Variants in ZNF577 observed in about 807,000 individuals in gnomAD.
ZNF577 encodes the protein zinc finger protein 577.
A neutral mutation model predicts 13.9 loss-of-function variants in ZNF577; 14 were observed. The observed-to-expected ratio is 1.00, with a 90% CI of 0.66 to 1.57. ZNF577 has a LOEUF of 1.57. Ranked by LOEUF, ZNF577 falls within the 40% of genes most tolerant of loss-of-function variation. The pLI is 0.00. For synonymous variants in ZNF577, 203 were observed against 202.9 expected (o/e 1.00, Z 0.00); for missense variants, 555 against 579.2 (o/e 0.96, Z 0.43).
chr19:51,854,417 C>T (rs2084397538), intron 5 of ZNF577, among the ~76,000 whole-genome samples: 1 of 151,898 alleles, frequency 6.6e-6, no homozygotes, highest in Admixed American at 6.6e-5. Context: ...CAGCCTTGAC[C>T]TCCTGAGCTC....
intron 10 of ZNF577, among the ~76,000 whole-genome samples, chr19:51,806,632 A>G (rs1400118430): frequency 1.3e-5 from 2 of 152,224 alleles, no homozygotes; most frequent in East Asian, 1.9e-4. Flanking sequence ...TATGGGTTAT[A>G]GCCCAAAGCT....
In ZNF577 at chr19:51,820,813, G is replaced by C. The variant is rs76988866; in HGVS notation, c.*600-9139C>G. ...AACCAATATAAGTCAACTTCCTCAT[G>C]TGTACAATGGTTATACTAATTAAAA... is the stretch of plus-strand genomic sequence containing the variant. On this transcript the variant is annotated intron_variant and NMD_transcript_variant, in intron 9 of 10. Transcript: ENST00000638827. Among the ~76,000 whole-genome samples the C allele has an allele frequency of 8.5e-3, 1,289 of 152,288 alleles. 22 individuals are homozygous for C. Among genetic ancestry groups the C allele is most frequent in the African/African-American group, 0.03 (1,235 of 41,552 alleles).
At chr19:51,823,899 G>A (rs150944177) in intron 9 of ZNF577, 100 of 1,613,982 alleles carry the variant, frequency 6.2e-5, no homozygotes, top group Non-Finnish European at 2.0e-5. Flanking sequence ...GATCTGGGTG[G>A]CTGGATTCCG....
chr19:51,842,246 G>C (rs1360598171), intron 8 of ZNF577, among the ~76,000 whole-genome samples: 2 of 152,152 alleles, frequency 1.3e-5, no homozygotes, highest in African/African-American at 4.8e-5. Flanking sequence ...GTCATACATA[G>C]AAATATAGTG....
intron 5 of ZNF577, chr19:51,845,049 G>T (rs889168870): frequency 6.6e-6 from 1 of 152,092 alleles, no homozygotes; most frequent in Non-Finnish European, 1.5e-5. Flanking sequence ...AAATAAAATT[G>T]TATGTATTTA....
At chr19:51,863,970 T>C (rs2084531902), downstream of ZNF577, among the ~76,000 whole-genome samples, 1 of 152,224 alleles carries the variant, frequency 6.6e-6, no homozygotes, top group African/African-American at 2.4e-5. Flanking sequence ...GAATGCTCCC[T>C]TGTAGGAGGA....
Position 51,873,005 on chromosome 19 carries a change from T to C in ZNF577, c.985A>G (p.Ser329Gly). 6.2e-7 allele frequency: 1 copy of C among 1,614,222 alleles called. No homozygotes were observed. The highest frequency in any genetic ancestry group is 2.2e-5 in the East Asian group (1 of 44,886). Residue 329 changes from serine (S) to glycine (G), a missense_variant, in exon 6 of 6, where the codon AGT becomes GGT. Transcript: ENST00000638348. Reference protein sequence around the residue: ...IHTGEKPYECSECEKAFRSKS... With the variant: ...IHTGEKPYECGECEKAFRSKS... ...CTTCTAAAGGCTTTTTCACACTCACTACATTCATAAGGTTTCTCTCCCGTA... is the reference window on the plus strand; with the variant it reads ...CTTCTAAAGGCTTTTTCACACTCACCACATTCATAAGGTTTCTCTCCCGTA...
chr19:51,812,904 T>G (rs1421042977), intron 9 of ZNF577, among the ~76,000 whole-genome samples: 2 of 152,108 alleles, frequency 1.3e-5, no homozygotes, highest in African/African-American at 4.8e-5. Flanking sequence ...GTGAATCACC[T>G]GAGGTTACAA....
intron 9 of ZNF577, among the ~76,000 whole-genome samples, chr19:51,822,914 G>A (rs1295664897): frequency 6.6e-6 from 1 of 152,088 alleles, no homozygotes; most frequent in Non-Finnish European, 1.5e-5. Context: ...CCAGACTGAA[G>A]TGCAGTGGCA....
At chr19:51,858,837 TTTC>T (rs1380296763) in intron 5 of ZNF577, among the ~76,000 whole-genome samples, 15 of 152,316 alleles carry the variant, frequency 9.8e-5, no homozygotes, top group African/African-American at 3.1e-4. Context: ...TAAATATATT[TTTC>T]TTCATGTAAA....
At position 51,824,463 on chromosome 19, in the gene ZNF577, C is replaced by A. The variant is rs1216952854; in HGVS notation, c.*600-12789G>T. 1 of 1,613,948 alleles carries A rather than the reference C, an allele frequency of 6.2e-7. No individual in the cohort carries two copies. The highest frequency in any genetic ancestry group is 1.3e-5 in the African/African-American group (1 of 74,912). ...AAACCACATGATTAAATCCAGCCGT[C>A]CCTTACGTGTCTTCGCTGCTGTGGT... On this transcript the variant is annotated intron_variant and NMD_transcript_variant, in intron 9 of 10. Coordinates refer to the ZNF577 transcript ENST00000638827. This position sits in a 1 kb window ranked among gnomAD's most constrained non-coding sequence, Gnocchi z 4.7.
At chr19:51,856,780 C>A (rs1599855899) in intron 5 of ZNF577, among the ~76,000 whole-genome samples, 1 of 151,958 alleles carries the variant, frequency 6.6e-6, no homozygotes, top group East Asian at 1.9e-4. Flanking sequence ...TAATATACTG[C>A]ATGAAAGGTG....
rs1214042802 is a variant in ZNF577, at chr19:51,877,390, G to A, written c.188-13C>T. On this transcript the variant is annotated splice_polypyrimidine_tract_variant and intron_variant, in intron 4 of 5. Transcript: ENST00000638348. ...GTGCCTCGATACCCTGTAAATGGGAGATCACTGAACACTTGGCACGTGTGC... is the reference window on the plus strand; with the variant it reads ...GTGCCTCGATACCCTGTAAATGGGAAATCACTGAACACTTGGCACGTGTGC... The A allele has an allele frequency of 6.2e-7, 1 of 1,609,586 alleles. No individual in the cohort carries two copies. Among genetic ancestry groups the A allele is most frequent in the Admixed American group, 1.7e-5 (1 of 59,986 alleles).
At chr19:51,827,982 G>A (rs141000207) in intron 9 of ZNF577, among the ~76,000 whole-genome samples, 25 of 152,106 alleles carry the variant, frequency 1.6e-4, no homozygotes, top group South Asian at 1.4e-3. Context: ...AGCACTTTGC[G>A]CATTTCATTT....
chr19:51,807,475 G>C (rs756549671), intron 10 of ZNF577, among the ~76,000 whole-genome samples: 1 of 152,086 alleles, frequency 6.6e-6, no homozygotes, highest in Non-Finnish European at 1.5e-5. Context: ...ATGGGCCTTC[G>C]GGTCCCTGCA....
intron 9 of ZNF577, among the ~76,000 whole-genome samples, chr19:51,838,063 G>A (rs963617310): frequency 1.3e-5 from 2 of 152,140 alleles, no homozygotes; most frequent in African/African-American, 2.4e-5. Flanking sequence ...TCAGCCAAAC[G>A]CATTCAGATG....
chr19:51,886,176 C>A (rs961811642), intron 1 of ZNF577: 3 of 151,620 alleles, frequency 2.0e-5, no homozygotes, highest in Middle Eastern at 3.2e-3. Context: ...ATTTTTTTAA[C>A]CTGGTGATTT....
intron 1 of ZNF577, among the ~76,000 whole-genome samples, chr19:51,882,459 T>C (rs1038384514): frequency 2.7e-5 from 4 of 149,120 alleles, no homozygotes; most frequent in African/African-American, 1.0e-4. Context: ...GTTGTCAGAT[T>C]GGCAGCCAAC....
intron 5 of ZNF577, among the ~76,000 whole-genome samples, chr19:51,845,366 G>A (rs1006043903): frequency 2.6e-5 from 4 of 152,090 alleles, no homozygotes; most frequent in African/African-American, 9.7e-5. Flanking sequence ...GTGTATGCCT[G>A]TAATCCCAGC....
Sources: allele counts gnomAD v4.1 joint callset (sites outside exome capture counted in the v4.1 genomes callset), GRCh38; gene constraint gnomAD v4.1.1; non-coding constraint Gnocchi (gnomAD v3.1); transcripts MANE v1.5; gene names NCBI Gene and HGNC (gene_info 2026-07-23, HGNC 2026-07-21).